Variants in INSL4 observed in about 807,000 individuals in gnomAD.
INSL4 encodes early placenta insulin-like peptide.
A neutral mutation model predicts 6.5 loss-of-function variants in INSL4; 7 were observed. That is an observed-to-expected ratio of 1.08 (90% confidence interval 0.61 to 2.02). The LOEUF is 2.02. Ranked by LOEUF, INSL4 falls within the 30% of genes most tolerant of loss-of-function variation. The probability of loss-of-function intolerance (pLI) is 0.00; values close to 1 mark genes in which losing one functional copy is unlikely to be tolerated. For missense variants in INSL4, 226 were observed against 163.2 expected (o/e 1.38, Z -2.09); for synonymous variants, 82 against 65.8 (o/e 1.25, Z -1.19).
At position 5,231,557 on chromosome 9, in the gene INSL4, A is replaced by G. The variant is rs151245995; in HGVS notation, c.34A>G (p.Ile12Val). 49 of 1,613,546 alleles carry G rather than the reference A, an allele frequency of 3.0e-5. No individual in the cohort carries two copies. The highest frequency in any genetic ancestry group is 4.0e-5 in the Non-Finnish European group (47 of 1,179,846). The stretch of plus-strand genomic sequence containing the variant: ...CCTGTTCCGGTCCTATCTGCCAGCA[A>G]TCTGGCTGCTGCTGAGCCAACTCCT... ...ASLFRSYLPA[I>V]WLLLSQLLRE... The change falls in exon 1 of 2, where the codon ATC (isoleucine) becomes GTC (valine). Residue 12 changes from isoleucine to valine, a missense_variant. By Grantham distance (29) the Ile-to-Val change is conservative (BLOSUM62 3). Coordinates refer to ENST00000239316, the MANE Select transcript of INSL4 (RefSeq NM_002195.2).
chr9:5,234,412 C>G lies in INSL4; in HGVS notation c.*535C>G, dbSNP rs1196950775. The G allele has an allele frequency of 6.4e-6, 1 of 156,334 alleles. No individual in the cohort carries two copies. Among genetic ancestry groups the G allele is most frequent in the African/African-American group, 2.4e-5 (1 of 41,444 alleles). 9.7% of individuals were successfully genotyped at this position (156,334 alleles called of 1,614,324 possible). ...GAAATGTAAGAGATAAAGGATCTAACCATCTCTAACATCAGCTCATAGTAC... is the reference window on the plus strand; with the variant it reads ...GAAATGTAAGAGATAAAGGATCTAAGCATCTCTAACATCAGCTCATAGTAC... On this transcript the variant is annotated 3_prime_UTR_variant, in exon 2 of 2. Transcript: ENST00000239316.
At chr9:5,232,391 T>G (rs1256043557) in intron 1 of INSL4, among the ~76,000 whole-genome samples, 1 of 152,142 alleles carries the variant, frequency 6.6e-6, no homozygotes, top group Non-Finnish European at 1.5e-5. Flanking sequence ...TTGAATCTAC[T>G]CTTGTAGTGT....
chr9:5,232,597 GT>G (rs1480272316), intron 1 of INSL4, among the ~76,000 whole-genome samples: 1 of 152,166 alleles, frequency 6.6e-6, no homozygotes, highest in Non-Finnish European at 1.5e-5. Flanking sequence ...TACCAGGATA[GT>G]TTTCAAACTT....
intron 1 of INSL4, among the ~76,000 whole-genome samples, chr9:5,232,746 T>C (rs1382239538): frequency 6.6e-6 from 1 of 152,218 alleles, no homozygotes; most frequent in African/African-American, 2.4e-5. Flanking sequence ...GTTAAATTAC[T>C]AAACATTGTT....
At position 5,235,107 on chromosome 9, in the gene INSL4, T is replaced by C. The variant is rs1586901030; in HGVS notation, c.*1230T>C. 2 of 152,366 alleles carry C rather than the reference T, an allele frequency of 1.3e-5. No homozygotes were observed. The highest frequency in any genetic ancestry group is 2.1e-4 in the South Asian group (1 of 4,794). The allele number at this position is 152,366 out of a possible 1,614,324, so 9.4% of individuals were successfully genotyped here. A position where few individuals can be genotyped will look rare whatever the true frequency, so the allele number is the denominator to read the frequency against. Reference sequence around the variant, plus strand: ...AGAAGAGAGTGCAAAAAGGGACAAGTAGAAGCCCAGGAAAATGCACAAAGG... The same window carrying C: ...AGAAGAGAGTGCAAAAAGGGACAAGCAGAAGCCCAGGAAAATGCACAAAGG... On this transcript the variant is annotated 3_prime_UTR_variant, in exon 2 of 2. Transcript: ENST00000239316.
chr9:5,232,918 G>A (rs911807081), intron 1 of INSL4, among the ~76,000 whole-genome samples: 4 of 152,178 alleles, frequency 2.6e-5, no homozygotes, highest in South Asian at 4.2e-4. Context: ...TTTATATAAC[G>A]ATTTCAAAGT....
chr9:5,231,986 G>C (rs900310600), intron 1 of INSL4, among the ~76,000 whole-genome samples: 1 of 152,130 alleles, frequency 6.6e-6, no homozygotes, highest in Non-Finnish European at 1.5e-5. Flanking sequence ...CAGAGATACA[G>C]GGTGGAGAAA....
rs370811246 is a variant in INSL4 at position 5,231,630 on chromosome 9, G to T, written c.107G>T (p.Gly36Val). Reference sequence around the variant, plus strand: ...CTGAGGGGATGTGGTCCCCGATTTGGAAAACACTTGCTGTCATATTGCCCC... The same window carrying T: ...CTGAGGGGATGTGGTCCCCGATTTGTAAAACACTTGCTGTCATATTGCCCC... ...AELRGCGPRF[G>V]KHLLSYCPMP... The change falls in exon 1 of 2, where the codon GGA becomes GTA. Residue 36 changes from glycine (G) to valine (V), a missense_variant. Coordinates refer to ENST00000239316, the MANE Select transcript of INSL4 (RefSeq NM_002195.2). 6.2e-7 allele frequency: 1 copy of T among 1,613,802 alleles called. No homozygotes were observed. The highest frequency in any genetic ancestry group is 8.5e-7 in the Non-Finnish European group (1 of 1,179,894).
Position 5,231,448 on chromosome 9 carries a change from A to T in INSL4, c.-76A>T, listed in dbSNP as rs148827695. 1.4e-6 allele frequency: 2 copies of T among 1,416,388 alleles called. No individual in the cohort carries two copies. Among genetic ancestry groups the T allele is most frequent in the Non-Finnish European group, 1.9e-6 (2 of 1,034,230 alleles). The allele number at this position is 1,416,388 out of a possible 1,614,324, so 87.7% of individuals were successfully genotyped here. A position where few individuals can be genotyped will look rare whatever the true frequency, so the allele number is the denominator to read the frequency against. On this transcript the variant is annotated 5_prime_UTR_variant, in exon 1 of 2. Coordinates refer to ENST00000239316, the MANE Select transcript of INSL4 (RefSeq NM_002195.2). ...TGGAGCCCAGAAGGGACACACCAGC[A>T]CAGTCTGGTAGGCTACAGCAGCAAG... is the stretch of plus-strand genomic sequence containing the variant.
rs778958220 is a variant in INSL4 at position 5,233,852 on chromosome 9, G to GA, written c.397dup (p.Thr133AsnfsTer4). On this transcript the variant is annotated frameshift_variant, in exon 2 of 2. Transcript: ENST00000239316. LOFTEE classifies it low-confidence loss of function (END_TRUNC). ...TGTTGTGAAGTAATTTGTGACGATG[G>GA]AACTTCAGTTAAATTATGTACATAG... is the stretch of plus-strand genomic sequence containing the variant. The GA allele has an allele frequency of 6.2e-7, 1 of 1,612,446 alleles. No individual in the cohort carries two copies. The highest frequency in any genetic ancestry group is 2.2e-5 in the East Asian group (1 of 44,826).
At chr9:5,232,737 T>C (rs886789421) in intron 1 of INSL4, among the ~76,000 whole-genome samples, 2 of 152,226 alleles carry the variant, frequency 1.3e-5, no homozygotes, top group African/African-American at 4.8e-5. Flanking sequence ...AAAAGCTAAG[T>C]TAAATTACTA....
Position 5,233,673 on chromosome 9 carries a change from C to G in INSL4, c.216C>G (p.Asn72Lys), listed in dbSNP as rs535116565. Residue 72 changes from asparagine (N) to lysine (K), a missense_variant, in exon 2 of 2, where the codon AAC becomes AAG. By Grantham distance (94) the Asn-to-Lys change is moderately conservative. Transcript: ENST00000239316. ...TCACAGAAATGGTGTCAACCTCCAA[C>G]AACAAAGATGGACAAGCCTTAGGTA... Reference protein sequence around the residue: ...GRPKEMVSTSNNKDGQALGTT... With the variant: ...GRPKEMVSTSKNKDGQALGTT... 9 of 1,613,380 alleles carry G rather than the reference C, an allele frequency of 5.6e-6. No homozygotes were observed. The highest frequency in any genetic ancestry group is 6.8e-6 in the Non-Finnish European group (8 of 1,179,542).
In INSL4 at chr9:5,231,578, C is replaced by A. The variant is rs762046297; in HGVS notation, c.55C>A (p.Leu19Ile). The stretch of plus-strand genomic sequence containing the variant: ...AGCAATCTGGCTGCTGCTGAGCCAA[C>A]TCCTTAGAGAAAGCCTAGCAGCAGA... The part of the protein sequence containing the change: ...LPAIWLLLSQ[L>I]LRESLAAELR... The change falls in exon 1 of 2, where the codon CTC becomes ATC. Residue 19 changes from leucine (L) to isoleucine (I), a missense_variant. Leu to Ile is a conservative substitution (Grantham distance 5, BLOSUM62 2). Transcript: ENST00000239316. 6.2e-7 allele frequency: 1 copy of A among 1,613,886 alleles called. No individual in the cohort carries two copies. The highest frequency in any genetic ancestry group is 1.7e-5 in the Admixed American group (1 of 60,004).
intron 1 of INSL4, among the ~76,000 whole-genome samples, chr9:5,233,337 G>T (rs1826175683): frequency 6.6e-6 from 1 of 152,082 alleles, no homozygotes; most frequent in African/African-American, 2.4e-5. Flanking sequence ...AGTACATAAT[G>T]CATTGAGGTT....
At chr9:5,232,457 T>C (rs915602822) in intron 1 of INSL4, among the ~76,000 whole-genome samples, 36 of 152,074 alleles carry the variant, frequency 2.4e-4, no homozygotes, top group Admixed American at 1.8e-3. Context: ...AGAGGGGAAA[T>C]TGAAGGGGAC....
Position 5,234,585 on chromosome 9 carries a change from T to C in INSL4, c.*708T>C, listed in dbSNP as rs1410796268. On this transcript the variant is annotated 3_prime_UTR_variant, in exon 2 of 2. Transcript: ENST00000239316. ...GCTGCCTTTAGACCTTCAATCATTC[T>C]ATAAACTCCTCTTTTGTCCCTGGCA... 1 of 152,762 alleles carries C rather than the reference T, an allele frequency of 6.5e-6. No homozygotes were observed. The highest frequency in any genetic ancestry group is 2.4e-5 in the African/African-American group (1 of 41,470). 9.5% of individuals were successfully genotyped at this position (152,762 alleles called of 1,614,324 possible).
In INSL4 at chr9:5,234,616, C is replaced by G. The variant is rs1826199795; in HGVS notation, c.*739C>G. On this transcript the variant is annotated 3_prime_UTR_variant, in exon 2 of 2. Transcript: ENST00000239316. ...CTCCTCTTTTGTCCCTGGCATTACT[C>G]CACATCCCCTCATCAAAGTGGTGAA... 6.6e-6 allele frequency: 1 copy of G among 152,598 alleles called. No individual in the cohort carries two copies. Among genetic ancestry groups the G allele is most frequent in the Non-Finnish European group, 1.5e-5 (1 of 68,096 alleles). The allele number at this position is 152,598 out of a possible 1,614,324, so 9.5% of individuals were successfully genotyped here.
At chr9:5,231,822 G>A in intron 1 of INSL4, 103 bp downstream of exon 1, 2 of 995,038 alleles carry the variant, frequency 2.0e-6, no homozygotes, top group Non-Finnish European at 2.9e-6. Flanking sequence ...TGTGGCTAGT[G>A]CCTACAAGTT....
intron 1 of INSL4, among the ~76,000 whole-genome samples, chr9:5,233,116 T>C (rs1296946225): frequency 6.6e-6 from 1 of 152,130 alleles, no homozygotes; most frequent in Non-Finnish European, 1.5e-5. Flanking sequence ...CTTTGACAAA[T>C]ATAGATAAAT....
Sources: allele counts gnomAD v4.1 joint callset (sites outside exome capture counted in the v4.1 genomes callset), GRCh38; gene constraint gnomAD v4.1.1; transcripts MANE v1.5; gene names NCBI Gene and HGNC (gene_info 2026-07-23, HGNC 2026-07-21).